Variants in EBF4 observed in about 807,000 individuals in gnomAD.
The protein encoded by EBF4 is EBF transcription factor 4.
A neutral mutation model predicts 67.1 loss-of-function variants in EBF4; 34 were observed. That is an observed-to-expected ratio of 0.51 (90% confidence interval 0.39 to 0.67). The LOEUF (loss-of-function observed/expected upper bound fraction) is 0.67, where lower values mean the gene tolerates loss of function less well. Among genes scored for constraint, EBF4 ranks in the 30% least tolerant of loss-of-function variants. EBF4 has a pLI of 0.00. For synonymous variants in EBF4, 387 were observed against 377.7 expected (o/e 1.02, Z -0.29); for missense variants, 837 against 873.3 (o/e 0.96, Z 0.52).
At position 2,751,317 on chromosome 20, in the gene EBF4, A is replaced by T. The variant is rs1219497736; in HGVS notation, c.1019-383A>T. On this transcript the variant is annotated intron_variant, in intron 10 of 16. Coordinates refer to ENST00000609451, the Ensembl canonical transcript of EBF4. This position sits in a 1 kb window ranked among gnomAD's most constrained non-coding sequence, Gnocchi z 5.2. The stretch of plus-strand genomic sequence containing the variant: ...ATTGTTAAGTTTTTTCTTTTTTATA[A>T]TAAACTCCTGATTTGACCAGATGAA... Among the ~76,000 whole-genome samples, 1 of 152,158 alleles carries T rather than the reference A, an allele frequency of 6.6e-6. No individual in the cohort carries two copies. Among genetic ancestry groups the T allele is most frequent in the East Asian group, 1.9e-4 (1 of 5,196 alleles).
At chr20:2,703,460 A>G (rs915667515) in intron 1 of EBF4, among the ~76,000 whole-genome samples, 9 of 151,976 alleles carry the variant, frequency 5.9e-5, no homozygotes, top group African/African-American at 1.9e-4. Context: ...CAGGTTGGGC[A>G]TGGTGGCTCA....
At chr20:2,719,183 CCTGGGCTCAAGCACTCCCT>C in intron 6 of EBF4, among the ~76,000 whole-genome samples, 1 of 152,284 alleles carries the variant, frequency 6.6e-6, no homozygotes, top group Admixed American at 6.5e-5. Flanking sequence ...GCCTCAACCT[CCTGGGCTCAAGCACTCCCT>C]CTGTCTCAGC....
In EBF4 at chr20:2,739,134, C is replaced by G. The variant is rs1328290793; in HGVS notation, c.558-9415C>G. On this transcript the variant is annotated intron_variant, in intron 6 of 16. Transcript: ENST00000609451. This position sits in a 1 kb window ranked among gnomAD's most constrained non-coding sequence, Gnocchi z 4.5. ...ACTATTACAGTAAGCTCCTCATTTC[C>G]CTTCCCTTCTCTAGCGTAGGCCCTT... is the stretch of plus-strand genomic sequence containing the variant. Among the ~76,000 whole-genome samples, 1 of 152,194 alleles carries G rather than the reference C, an allele frequency of 6.6e-6. No individual in the cohort carries two copies. The highest frequency in any genetic ancestry group is 2.4e-5 in the African/African-American group (1 of 41,442).
intron 6 of EBF4, among the ~76,000 whole-genome samples, chr20:2,735,931 G>A (rs376043178): frequency 1.3e-5 from 2 of 152,176 alleles, no homozygotes; most frequent in Non-Finnish European, 2.9e-5. Flanking sequence ...AAGGCTTGAA[G>A]ACCACACTAT....
At chr20:2,721,642 A>G (rs2087682607) in intron 6 of EBF4, among the ~76,000 whole-genome samples, 2 of 152,002 alleles carry the variant, frequency 1.3e-5, no homozygotes, top group South Asian at 4.2e-4. Flanking sequence ...TTTAGTAGAG[A>G]CAGGGTTTCA....
Position 2,756,754 on chromosome 20 carries a change from C to T in EBF4, c.1738+930C>T, listed in dbSNP as rs2088250077. ...ATCTGGAAGAGGTTGGGTTAGAGCACGTCCTATTGAGTATTCCCCAAGACA... is the reference window on the plus strand; with the variant it reads ...ATCTGGAAGAGGTTGGGTTAGAGCATGTCCTATTGAGTATTCCCCAAGACA... On this transcript the variant is annotated intron_variant, in intron 15 of 16. Coordinates refer to ENST00000609451, the Ensembl canonical transcript of EBF4. This position sits in a 1 kb window ranked among gnomAD's most constrained non-coding sequence, Gnocchi z 4.5. 6.6e-6 allele frequency among the ~76,000 whole-genome samples: 1 copy of T among 152,292 alleles called. No homozygotes were observed. The highest frequency in any genetic ancestry group is 2.1e-4 in the South Asian group (1 of 4,828).
At chr20:2,695,950 C>T (rs1192703797) in intron 1 of EBF4, among the ~76,000 whole-genome samples, 1 of 151,884 alleles carries the variant, frequency 6.6e-6, no homozygotes, top group East Asian at 1.9e-4. Flanking sequence ...GTCCTAGTCC[C>T]AATCTCAGTG....
At chr20:2,723,949 T>A (rs2087717718) in intron 6 of EBF4, among the ~76,000 whole-genome samples, 2 of 152,246 alleles carry the variant, frequency 1.3e-5, no homozygotes, top group South Asian at 2.1e-4. Flanking sequence ...TTTCTCTTCT[T>A]TAATGGTTTG....
chr20:2,729,112 A>C (rs1282806164), intron 6 of EBF4, among the ~76,000 whole-genome samples: 1 of 152,170 alleles, frequency 6.6e-6, no homozygotes, highest in African/African-American at 2.4e-5. Flanking sequence ...GGTTTATTTT[A>C]TAATTCTATG....
intron 6 of EBF4, among the ~76,000 whole-genome samples, chr20:2,719,687 G>A (rs1291680673): frequency 6.6e-6 from 1 of 152,156 alleles, no homozygotes; most frequent in African/African-American, 2.4e-5. Context: ...TTAAAGGCGT[G>A]AGTCACCATG....
At chr20:2,717,054 G>A (rs79924539) in intron 6 of EBF4, among the ~76,000 whole-genome samples, 5,475 of 152,224 alleles carry the variant, frequency 0.036, 211 homozygotes, top group African/African-American at 0.094. Flanking sequence ...AGAAGAATTT[G>A]TCTTTATGCT....
At chr20:2,744,846 C>G (rs2088026320) in intron 6 of EBF4, among the ~76,000 whole-genome samples, 1 of 152,142 alleles carries the variant, frequency 6.6e-6, no homozygotes, top group South Asian at 2.1e-4. Context: ...ACTGATACAA[C>G]TAATTATCAT....
chr20:2,720,125 T>G (rs1231947511), intron 6 of EBF4, among the ~76,000 whole-genome samples: 1 of 152,210 alleles, frequency 6.6e-6, no homozygotes, highest in Admixed American at 6.5e-5. Flanking sequence ...TTCTTTATCA[T>G]AAAATTCACA....
intron 4 of EBF4, 88 bp downstream of exon 4, chr20:2,706,352 GC>G (rs1016508625): frequency 1.4e-5 from 20 of 1,450,144 alleles, no homozygotes; most frequent in Non-Finnish European, 2.8e-6. Context: ...CCTTGTTCCT[GC>G]CCTCATCTCC....
At chr20:2,709,981 T>G (rs1302458536) in intron 6 of EBF4, among the ~76,000 whole-genome samples, 2 of 152,136 alleles carry the variant, frequency 1.3e-5, no homozygotes, top group African/African-American at 4.8e-5. Flanking sequence ...CGTGGTCATG[T>G]CAGCAAAAAC....
chr20:2,707,821 C>T lies in EBF4; in HGVS notation c.415-126C>T, dbSNP rs536040099. ...GGGCAGCCCAGAGCAAGGCAGAGGG[C>T]GTGCTCTTCCCTGGGGCAGGGTCTC... On this transcript the variant is annotated intron_variant, in intron 4 of 16. Coordinates refer to ENST00000609451, the Ensembl canonical transcript of EBF4. This position sits in a 1 kb window ranked among gnomAD's most constrained non-coding sequence, Gnocchi z 4.6. 1.8e-5 allele frequency: 16 copies of T among 908,254 alleles called. No individual in the cohort carries two copies. In the Admixed American group the frequency reaches 2.3e-4, roughly 13 times the overall value. 56.3% of individuals were successfully genotyped at this position (908,254 alleles called of 1,614,324 possible). A position where few individuals can be genotyped will look rare whatever the true frequency, so the allele number is the denominator to read the frequency against.
rs1380145677 is a variant in EBF4 at position 2,742,257 on chromosome 20, G to A, written c.558-6292G>A. 2.0e-5 allele frequency among the ~76,000 whole-genome samples: 3 copies of A among 152,286 alleles called. No homozygotes were observed. In the South Asian group the frequency reaches 6.2e-4, roughly 32 times the overall value. On this transcript the variant is annotated intron_variant, in intron 6 of 16. Transcript: ENST00000609451. ...TAGCTTAGCCTTGGTTTTCTCATCC[G>A]TAAAGTGGGAATGGTTGCAGACCGA...
intron 3 of EBF4, 22 bp from the exon 4 acceptor site, chr20:2,706,187 C>T (rs1264855633): frequency 6.4e-7 from 1 of 1,552,064 alleles, no homozygotes; most frequent in East Asian, 2.4e-5. Flanking sequence ...AGCAGCAAGC[C>T]CTCTCCATCT....
chr20:2,717,767 A>G (rs2087629320), intron 6 of EBF4, among the ~76,000 whole-genome samples: 2 of 150,698 alleles, frequency 1.3e-5, no homozygotes. Context: ...TGCACTGGCT[A>G]GGACCTCAGT....
Sources: allele counts gnomAD v4.1 joint callset (sites outside exome capture counted in the v4.1 genomes callset), GRCh38; gene constraint gnomAD v4.1.1; non-coding constraint Gnocchi (gnomAD v3.1); transcripts MANE v1.5; gene names NCBI Gene and HGNC (gene_info 2026-07-23, HGNC 2026-07-21).